RUVBL2: variants seen among roughly 807,000 people sequenced by gnomAD.
RUVBL2 encodes RuvB like AAA ATPase 2.
In RUVBL2, 9 loss-of-function variants were observed where a neutral mutation model predicts 57.9. That is an observed-to-expected ratio of 0.16 (90% CI 0.09 to 0.27). The LOEUF (loss-of-function observed/expected upper bound fraction) is 0.27, where lower values mean the gene tolerates loss of function less well. Among genes scored for constraint, RUVBL2 ranks in the 10% least tolerant of loss-of-function variants. The probability of loss-of-function intolerance (pLI) is 1.00; values close to 1 mark genes in which losing one functional copy is unlikely to be tolerated. For synonymous variants in RUVBL2, 278 were observed against 264.6 expected, an observed-to-expected ratio of 1.05 and a Z score of -0.49; for missense variants, 456 against 669.6, an observed-to-expected ratio of 0.68 and a Z score of 3.52.
chr19:49,015,889 GA>G lies in RUVBL2; in HGVS notation c.*48del, dbSNP rs1270435415. On this transcript the variant is annotated 3_prime_UTR_variant, in exon 15 of 15. Coordinates refer to ENST00000595090, the MANE Select transcript of RUVBL2 (RefSeq NM_006666.3). ...CCACCCTGTTTTCCACCAGAGTTCT[GA>G]CACTGTGACTCTGTATAAAATGGTT... is the stretch of plus-strand genomic sequence containing the variant. 1.2e-6 allele frequency: 2 copies of G among 1,613,924 alleles called. No individual in the cohort carries two copies. Among genetic ancestry groups the G allele is most frequent in the Non-Finnish European group, 1.7e-6 (2 of 1,179,920 alleles).
At chr19:49,008,110 A>G (rs1049979851) in intron 6 of RUVBL2, among the ~76,000 whole-genome samples, 1 of 147,188 alleles carries the variant, frequency 6.8e-6, no homozygotes, top group Non-Finnish European at 1.5e-5. Context: ...TTATTTGGGT[A>G]TAAAATAGGA....
intron 2 of RUVBL2, among the ~76,000 whole-genome samples, chr19:49,000,641 G>T (rs1158777838): frequency 6.6e-6 from 1 of 152,084 alleles, no homozygotes; most frequent in East Asian, 1.9e-4. Context: ...GAGGCGGGTG[G>T]ATCACCTGAA....
chr19:48,993,931 T>C lies in RUVBL2; in HGVS notation c.12+8T>C. The C allele has an allele frequency of 6.2e-7, 1 of 1,613,554 alleles. No individual in the cohort carries two copies. Among genetic ancestry groups the C allele is most frequent in the Non-Finnish European group, 8.5e-7 (1 of 1,179,900 alleles). On this transcript the variant is annotated splice_region_variant and intron_variant, in intron 1 of 14. Coordinates refer to ENST00000595090, the MANE Select transcript of RUVBL2 (RefSeq NM_006666.3). ...AGCATCATGGCAACCGTTGTAAGTG[T>C]GGGTGCATGGAGGGTGAGGAGCGAG...
chr19:49,013,870 C>T (rs1383160733), intron 11 of RUVBL2, among the ~76,000 whole-genome samples: 6 of 152,216 alleles, frequency 3.9e-5, no homozygotes, highest in Admixed American at 6.5e-5. Flanking sequence ...GCCGAGATCG[C>T]GCCACTGCAC....
At chr19:49,014,361 G>A in intron 11 of RUVBL2, 123 bp from the exon 12 acceptor site, 1 of 1,190,754 alleles carries the variant, frequency 8.4e-7, no homozygotes, top group Non-Finnish European at 1.2e-6. Flanking sequence ...GGAGACGCGA[G>A]CTAAAGGTTA....
At position 49,014,468 on chromosome 19, in the gene RUVBL2, T is replaced by A; in HGVS notation, c.1002-16T>A. 1 of 1,612,020 alleles carries A rather than the reference T, an allele frequency of 6.2e-7. No individual in the cohort carries two copies. The highest frequency in any genetic ancestry group is 8.5e-7 in the Non-Finnish European group (1 of 1,178,730). ...AACATGCCCCTGACAGCCCCCTCTT[T>A]CTGCCTCTTCCTCAGAATCCGGGGC... is the stretch of plus-strand genomic sequence containing the variant. On this transcript the variant is annotated splice_polypyrimidine_tract_variant and intron_variant, in intron 11 of 14. Transcript: ENST00000595090.
chr19:49,011,321 T>C lies in RUVBL2; in HGVS notation c.1001+11T>C. The C allele has an allele frequency of 6.2e-7, 1 of 1,606,366 alleles. No individual in the cohort carries two copies. The highest frequency in any genetic ancestry group is 8.5e-7 in the Non-Finnish European group (1 of 1,173,562). Reference sequence around the variant, plus strand: ...CCGTGGCATCACGCGGTGAGCCGGCTACAGGGGCCTCTGGGGAAAACAGGA... The same window carrying C: ...CCGTGGCATCACGCGGTGAGCCGGCCACAGGGGCCTCTGGGGAAAACAGGA... On this transcript the variant is annotated intron_variant, in intron 11 of 14. Transcript: ENST00000595090. This position sits in a 1 kb window ranked among gnomAD's most constrained non-coding sequence, Gnocchi z 4.4.
chr19:48,997,518 A>G (rs1040434971), intron 1 of RUVBL2, among the ~76,000 whole-genome samples: 17 of 151,556 alleles, frequency 1.1e-4, no homozygotes, highest in African/African-American at 4.1e-4. Flanking sequence ...AATCCCAGCT[A>G]CTCGGGAGGC....
chr19:49,009,217 A>G (rs1006683212), intron 6 of RUVBL2, among the ~76,000 whole-genome samples: 1 of 138,924 alleles, frequency 7.2e-6, no homozygotes. Context: ...CACCAGGCGC[A>G]GTAGCTCACT....
In RUVBL2 at chr19:49,015,039, G is replaced by A; in HGVS notation, c.1140G>A (p.Val380=). The A allele has an allele frequency of 6.2e-7, 1 of 1,605,126 alleles. No homozygotes were observed. The highest frequency in any genetic ancestry group is 1.1e-5 in the South Asian group (1 of 89,446). The change falls in exon 13 of 15, where the codon GTG becomes GTA. Residue 380 remains valine (V), a synonymous_variant. Coordinates refer to ENST00000595090, the MANE Select transcript of RUVBL2 (RefSeq NM_006666.3). ...CTTGCAGGTGCGAGGAAGAAGATGT[G>A]GAGATGAGTGAGGACGCCTACACGG... ...ILRIRCEEED[V]EMSEDAYTVL... is the part of the protein sequence containing the mutation.
chr19:48,996,950 A>G lies in RUVBL2; in HGVS notation c.13-2369A>G, dbSNP rs530298443. ...AGTGCTGGTATTACAGGTGGGAGCCACTACGCCCAGCCTGTTGTTTTTTTT... is the reference window on the plus strand; with the variant it reads ...AGTGCTGGTATTACAGGTGGGAGCCGCTACGCCCAGCCTGTTGTTTTTTTT... On this transcript the variant is annotated intron_variant, in intron 1 of 14. Transcript: ENST00000595090. 2.7e-3 allele frequency among the ~76,000 whole-genome samples: 407 copies of G among 150,186 alleles called. 2 individuals carry two copies. The highest frequency in any genetic ancestry group is 0.01 in the Middle Eastern group (3 of 286).
At chr19:48,998,220 C>G (rs1431153958) in intron 1 of RUVBL2, among the ~76,000 whole-genome samples, 1 of 152,182 alleles carries the variant, frequency 6.6e-6, no homozygotes, top group African/African-American at 2.4e-5. Context: ...TGATCTAATT[C>G]AGTGAGAGGG....
intron 1 of RUVBL2, among the ~76,000 whole-genome samples, chr19:48,995,299 G>C (rs1345605753): frequency 1.3e-5 from 2 of 151,294 alleles, no homozygotes; most frequent in African/African-American, 4.9e-5. Context: ...TATGTTGAGA[G>C]AGCTACATTT....
rs753992402 is a variant in RUVBL2 at position 49,011,767 on chromosome 19, G to A, written c.1001+457G>A. 8.6e-5 allele frequency among the ~76,000 whole-genome samples: 13 copies of A among 151,988 alleles called. No individual in the cohort carries two copies. The highest frequency in any genetic ancestry group is 1.2e-4 in the African/African-American group (5 of 41,414). ...AGATTCCCATGACACAGAGGGTACC[G>A]TGCTCTGCTGAAGCCTGGGAACCTC... On this transcript the variant is annotated intron_variant, in intron 11 of 14. Transcript: ENST00000595090. The surrounding 1 kb of genome is among the most constrained non-coding windows in gnomAD (Gnocchi z 4.4).
chr19:49,007,821 C>T (rs2039312020), intron 6 of RUVBL2, among the ~76,000 whole-genome samples: 1 of 152,022 alleles, frequency 6.6e-6, no homozygotes, highest in Non-Finnish European at 1.5e-5. Flanking sequence ...TCTTCTGCCT[C>T]AGCCTTCCGA....
rs747407636 is a variant in RUVBL2 at position 49,015,951 on chromosome 19, C to T, written c.*109C>T. 4.3e-6 allele frequency: 7 copies of T among 1,614,028 alleles called. No individual in the cohort carries two copies. In the Admixed American group the frequency reaches 8.3e-5, roughly 19 times the overall value. On this transcript the variant is annotated 3_prime_UTR_variant, in exon 15 of 15. Transcript: ENST00000595090. ...ACCCACCCTGTGTATGTGTGGTTGCCCTGAGCCCACAGAAAGACACCTCCA... is the reference window on the plus strand; with the variant it reads ...ACCCACCCTGTGTATGTGTGGTTGCTCTGAGCCCACAGAAAGACACCTCCA...
chr19:49,004,017 G>A (rs2039234013), intron 3 of RUVBL2, among the ~76,000 whole-genome samples: 1 of 148,944 alleles, frequency 6.7e-6, no homozygotes, highest in Non-Finnish European at 1.5e-5. Flanking sequence ...TCAAGAGGCT[G>A]AGGTGGAAGG....
At chr19:48,997,626 C>A in intron 1 of RUVBL2, among the ~76,000 whole-genome samples, 1 of 107,080 alleles carries the variant, frequency 9.3e-6, no homozygotes, top group Non-Finnish European at 1.8e-5. Context: ...GAGACTATGT[C>A]TCAAAAAAAA....
chr19:49,010,060 C>T lies in RUVBL2; in HGVS notation c.657C>T (p.Gly219=), dbSNP rs200876255. The T allele has an allele frequency of 1.5e-4, 241 of 1,602,488 alleles. No homozygotes were observed. The African/African-American group carries it at 2.7e-3, about 18-fold the overall frequency. The change falls in exon 8 of 15, where the codon GGC becomes GGT. Residue 219 remains glycine (G), a synonymous_variant. Coordinates refer to ENST00000595090, the MANE Select transcript of RUVBL2 (RefSeq NM_006666.3). The part of the protein sequence containing the change: ...FTRARDYDAM[G]SQTKFVQCPD... The stretch of plus-strand genomic sequence containing the variant: ...GCGCCCGCGACTACGACGCTATGGG[C>T]TCCCAGGTGCGGCCGGGACTCCCGG...
Sources: allele counts gnomAD v4.1 joint callset (sites outside exome capture counted in the v4.1 genomes callset), GRCh38; gene constraint gnomAD v4.1.1; non-coding constraint Gnocchi (gnomAD v3.1); transcripts MANE v1.5; gene names NCBI Gene and HGNC (gene_info 2026-07-23, HGNC 2026-07-21).